The following LMO7 variants were observed in gnomAD, a reference collection of about 807,000 sequenced individuals.
LMO7 encodes LIM domain 7, also known as LIM domain only protein 7.
In LMO7, 120 loss-of-function variants were observed where a neutral mutation model predicts 206.5. That is an observed-to-expected ratio of 0.58 (90% CI 0.50 to 0.68). The LOEUF (loss-of-function observed/expected upper bound fraction) is 0.68, where lower values mean the gene tolerates loss of function less well. Among genes scored for constraint, LMO7 ranks in the 30% least tolerant of loss-of-function variants. The pLI is 0.00. For synonymous variants in LMO7, 706 were observed against 681.5 expected (o/e 1.04, Z -0.56); for missense variants, 1,959 against 1,957.9 (o/e 1.00, Z -0.01).
intron 3 of LMO7, among the ~76,000 whole-genome samples, chr13:75,747,884 A>C (rs746221656): frequency 6.6e-6 from 1 of 152,190 alleles, no homozygotes; most frequent in African/African-American, 2.4e-5. Flanking sequence ...CTGTAAGAGG[A>C]AGATGGAACG....
At chr13:75,781,941 G>C (rs1234799027) in intron 4 of LMO7, among the ~76,000 whole-genome samples, 8 of 152,128 alleles carry the variant, frequency 5.3e-5, no homozygotes, top group Non-Finnish European at 1.0e-4. Flanking sequence ...AGAAGTGTCT[G>C]TTCATATCCT....
chr13:75,744,901 T>A (rs563418252), intron 3 of LMO7, among the ~76,000 whole-genome samples: 14 of 152,296 alleles, frequency 9.2e-5, no homozygotes, highest in African/African-American at 3.4e-4. Context: ...GATCCATGTG[T>A]CAGTTCCCGT....
intron 4 of LMO7, among the ~76,000 whole-genome samples, chr13:75,772,598 A>G (rs1251207789): frequency 9.9e-5 from 15 of 152,116 alleles, no homozygotes; most frequent in Non-Finnish European, 1.9e-4. Context: ...AAACCCTCAT[A>G]TGACTCCAAA....
chr13:75,648,792 C>T (rs2037286287), intron 1 of LMO7, among the ~76,000 whole-genome samples: 1 of 152,182 alleles, frequency 6.6e-6, no homozygotes, highest in Admixed American at 6.5e-5. Context: ...GATAACTTCC[C>T]TCTCAAAACA....
intron 15 of LMO7, among the ~76,000 whole-genome samples, chr13:75,826,052 A>G (rs927096719): frequency 1.3e-5 from 2 of 151,220 alleles, no homozygotes; most frequent in Non-Finnish European, 2.9e-5. Flanking sequence ...TAATTAATTG[A>G]TTTTTTTAGA....
Position 75,841,884 on chromosome 13 carries a change from T to C in LMO7, c.3932T>C (p.Leu1311Pro). 1 of 1,613,936 alleles carries C rather than the reference T, an allele frequency of 6.2e-7. No individual in the cohort carries two copies. The highest frequency in any genetic ancestry group is 8.5e-7 in the Non-Finnish European group (1 of 1,179,892). The change falls in exon 24 of 31, where the codon CTT becomes CCT. Residue 1311 changes from leucine (L) to proline (P), a missense_variant. Physicochemically the swap from Leu to Pro is moderately conservative, Grantham distance 98. Coordinates refer to ENST00000377534, the MANE Select transcript of LMO7 (RefSeq NM_001306080.2). Reference protein sequence around the residue: ...QLQEEQEQKRLQAEAEEQKRP... With the variant: ...QLQEEQEQKRPQAEAEEQKRP... Reference sequence around the variant, plus strand: ...CAGGAAGAGCAAGAGCAAAAGCGGCTTCAGGCTGAGGCTGAGGAGCAGAAG... The same window carrying C: ...CAGGAAGAGCAAGAGCAAAAGCGGCCTCAGGCTGAGGCTGAGGAGCAGAAG...
chr13:75,670,697 C>T (rs77045408), intron 1 of LMO7, among the ~76,000 whole-genome samples: 1,779 of 152,248 alleles, frequency 0.012, 44 homozygotes, highest in African/African-American at 0.041. Flanking sequence ...ATCAATAAGT[C>T]AGTGGTGACT....
rs146763185 is a variant in LMO7, at chr13:75,741,437, A to T, written c.210+14339A>T. 2.8e-3 allele frequency among the ~76,000 whole-genome samples: 420 copies of T among 152,206 alleles called. 3 individuals are homozygous for T. The highest frequency in any genetic ancestry group is 9.8e-3 in the African/African-American group (407 of 41,506). On this transcript the variant is annotated intron_variant, in intron 3 of 30. Coordinates refer to ENST00000377534, the MANE Select transcript of LMO7 (RefSeq NM_001306080.2). Reference sequence around the variant, plus strand: ...TTTACACTGATGTTTTCAAAAGGAAACTCCTGGCCATTGTCCTTGATGAAC... The same window carrying T: ...TTTACACTGATGTTTTCAAAAGGAATCTCCTGGCCATTGTCCTTGATGAAC...
At chr13:75,676,657 T>C (rs987984684) in intron 1 of LMO7, among the ~76,000 whole-genome samples, 1 of 152,222 alleles carries the variant, frequency 6.6e-6, no homozygotes, top group Non-Finnish European at 1.5e-5. Context: ...ACCAATTGAA[T>C]GTGAAATTCA....
At chr13:75,846,972 A>G (rs568736919) in intron 26 of LMO7, among the ~76,000 whole-genome samples, 4 of 149,998 alleles carry the variant, frequency 2.7e-5, no homozygotes, top group African/African-American at 7.4e-5. Context: ...CAGAGGTTGC[A>G]GTGAGCCGAG....
chr13:75,853,224 G>A lies in LMO7; in HGVS notation c.4497G>A (p.Val1499=), dbSNP rs1197386003. The stretch of plus-strand genomic sequence containing the variant: ...TTAGTCGCCCACCACCTCAGCTGGT[G>A]TCCACATCAAACCGTGCCTACATGC... ...QDFSRPPPQL[V]STSNRAYMRN... The change falls in exon 28 of 31, where the codon GTG becomes GTA. Residue 1499 remains valine, a synonymous_variant. Transcript: ENST00000377534. 1.9e-6 allele frequency: 3 copies of A among 1,614,052 alleles called. No homozygotes were observed. Among genetic ancestry groups the A allele is most frequent in the Non-Finnish European group, 2.5e-6 (3 of 1,179,998 alleles).
intron 3 of LMO7, among the ~76,000 whole-genome samples, chr13:75,749,243 A>C (rs1027592955): frequency 3.9e-5 from 6 of 152,186 alleles, no homozygotes; most frequent in Non-Finnish European, 7.3e-5. Context: ...GTTTTACCAC[A>C]TAGTGTTCCT....
chr13:75,636,672 G>T lies in LMO7; in HGVS notation c.15G>T (p.Glu5Asp). MEGLEEAEANCSVAF... is the reference protein window; with the variant it reads MEGLDEAEANCSVAF... ...TTGTCCTAGCCATGGAAGGGCTGGA[G>T]GAGGCAGAGGCCAACTGCTCCGTGG... Residue 5 changes from glutamate to aspartate, a missense_variant, in exon 1 of 31, where the codon GAG becomes GAT. By Grantham distance (45) the Glu-to-Asp change is conservative. Transcript: ENST00000377534. 1 of 1,608,192 alleles carries T rather than the reference G, an allele frequency of 6.2e-7. No homozygotes were observed. Among genetic ancestry groups the T allele is most frequent in the Non-Finnish European group, 8.5e-7 (1 of 1,178,108 alleles).
intron 1 of LMO7, among the ~76,000 whole-genome samples, chr13:75,636,948 C>G (rs1022681732): frequency 1.3e-5 from 2 of 152,208 alleles, no homozygotes; most frequent in Non-Finnish European, 1.5e-5. Flanking sequence ...CCCCCGCCCC[C>G]CGACGGTGTC....
chr13:75,853,231 T>A lies in LMO7; in HGVS notation c.4504T>A (p.Ser1502Thr), dbSNP rs759842072. 1 of 1,614,112 alleles carries A rather than the reference T, an allele frequency of 6.2e-7. No individual in the cohort carries two copies. The highest frequency in any genetic ancestry group is 8.5e-7 in the Non-Finnish European group (1 of 1,180,014). The change falls in exon 28 of 31, where the codon TCA becomes ACA. Residue 1502 changes from serine (S) to threonine (T), a missense_variant. Physicochemically the swap from Ser to Thr is moderately conservative, Grantham distance 58 (BLOSUM62 1). Coordinates refer to ENST00000377534, the MANE Select transcript of LMO7 (RefSeq NM_001306080.2). Reference protein sequence around the residue: ...SRPPPQLVSTSNRAYMRNPSS... With the variant: ...SRPPPQLVSTTNRAYMRNPSS... ...CCCACCACCTCAGCTGGTGTCCACATCAAACCGTGCCTACATGCGGAACCC... is the reference window on the plus strand; with the variant it reads ...CCCACCACCTCAGCTGGTGTCCACAACAAACCGTGCCTACATGCGGAACCC...
rs149099643 is a variant in LMO7, at chr13:75,821,347, A to G, written c.2378A>G (p.Glu793Gly). 9 of 1,614,060 alleles carry G rather than the reference A, an allele frequency of 5.6e-6. No homozygotes were observed. Among genetic ancestry groups the G allele is most frequent in the Middle Eastern group, 3.3e-4 (2 of 6,084 alleles). ...GATYPSEIPK[E>G]DSTTFAKRED... Reference sequence around the variant, plus strand: ...ACTTATCCTTCAGAAATTCCCAAAGAAGATTCTACCACTTTTGCAAAAAGA... The same window carrying G: ...ACTTATCCTTCAGAAATTCCCAAAGGAGATTCTACCACTTTTGCAAAAAGA... Residue 793 changes from glutamate (E) to glycine (G), a missense_variant, in exon 14 of 31, where the codon GAA becomes GGA. Physicochemically the swap from Glu to Gly is moderately conservative, Grantham distance 98. Transcript: ENST00000377534.
chr13:75,856,429 T>TC (rs1169253815), intron 29 of LMO7, 77 bp from the exon 30 acceptor site: 47 of 824,514 alleles, frequency 5.7e-5, no homozygotes, highest in Non-Finnish European at 7.0e-5. Context: ...TCTGCTCATT[T>TC]CCCCCCCACC....
At chr13:75,752,679 T>C (rs1353083179) in intron 3 of LMO7, among the ~76,000 whole-genome samples, 1 of 152,190 alleles carries the variant, frequency 6.6e-6, no homozygotes, top group Non-Finnish European at 1.5e-5. Context: ...TATGAGAACA[T>C]GTAGTATTTG....
intron 1 of LMO7, among the ~76,000 whole-genome samples, chr13:75,674,099 A>G (rs1733713696): frequency 6.6e-6 from 1 of 152,262 alleles, no homozygotes; most frequent in Non-Finnish European, 1.5e-5. Context: ...TCACAATTTC[A>G]TAAATTTGAA....
Sources: gnomAD v4.1 joint callset for allele counts (sites outside exome capture counted in the v4.1 genomes callset) on GRCh38, gnomAD v4.1.1 for gene constraint, MANE v1.5 for transcripts, NCBI Gene and HGNC (gene_info 2026-07-23, HGNC 2026-07-21) for gene names.